NRG2: variants seen among roughly 807,000 people sequenced by gnomAD.
NRG2 encodes pro-neuregulin-2, membrane-bound isoform.
In NRG2, 27 loss-of-function variants were observed where a neutral mutation model predicts 73.9. The observed-to-expected ratio is 0.37, with a 90% confidence interval of 0.27 to 0.50. NRG2 has a LOEUF of 0.50. Ranked by LOEUF, NRG2 falls within the 20% of genes least tolerant of loss-of-function variation. The probability of loss-of-function intolerance (pLI) is 0.96; values close to 1 mark genes in which losing one functional copy is unlikely to be tolerated. For synonymous variants in NRG2, 532 were observed against 541.0 expected, an observed-to-expected ratio of 0.98 and a Z score of 0.23; for missense variants, 1,126 against 1,210.1, an observed-to-expected ratio of 0.93 and a Z score of 1.03.
intron 1 of NRG2, among the ~76,000 whole-genome samples, chr5:139,907,806 A>G (rs977212350): frequency 6.6e-6 from 1 of 152,176 alleles, no homozygotes; most frequent in Non-Finnish European, 1.5e-5. Flanking sequence ...GGGATACGAC[A>G]AAGATCTAGG....
At chr5:139,960,527 CA>C (rs1168510042) in intron 1 of NRG2, among the ~76,000 whole-genome samples, 1 of 151,846 alleles carries the variant, frequency 6.6e-6, no homozygotes. Context: ...AACAAACAAA[CA>C]AAAAAAATTA....
At chr5:139,924,174 G>C (rs1751878362) in intron 1 of NRG2, among the ~76,000 whole-genome samples, 1 of 152,174 alleles carries the variant, frequency 6.6e-6, no homozygotes, top group African/African-American at 2.4e-5. Context: ...AATCTTTGAG[G>C]GGCCCATGAT....
At chr5:139,866,939 T>C (rs1338559825) in intron 4 of NRG2, among the ~76,000 whole-genome samples, 3 of 152,192 alleles carry the variant, frequency 2.0e-5, no homozygotes, top group African/African-American at 7.2e-5. Context: ...CTAGACCCCT[T>C]CCCCACATCT....
At chr5:139,884,915 A>C (rs1763765928) in intron 2 of NRG2, among the ~76,000 whole-genome samples, 1 of 152,102 alleles carries the variant, frequency 6.6e-6, no homozygotes, top group Admixed American at 6.6e-5. Context: ...AGGAGGAGGG[A>C]AAGAGGCACG....
chr5:140,040,632 G>A (rs1761841339), intron 1 of NRG2, among the ~76,000 whole-genome samples: 1 of 152,106 alleles, frequency 6.6e-6, no homozygotes, highest in Non-Finnish European at 1.5e-5. Flanking sequence ...GCAAATGCAG[G>A]AGCAACTCAC....
At chr5:139,901,318 G>A (rs1355735340) in intron 1 of NRG2, among the ~76,000 whole-genome samples, 27 of 152,182 alleles carry the variant, frequency 1.8e-4, no homozygotes. Flanking sequence ...TGTTTGTAAT[G>A]AACCTCGAGG....
chr5:139,974,783 C>A lies in NRG2; in HGVS notation c.700+67587G>T, dbSNP rs576154814. Among the ~76,000 whole-genome samples the A allele has an allele frequency of 2.9e-4, 44 of 152,304 alleles. 1 individual carries two copies. The South Asian group carries it at 8.7e-3, about 30-fold the overall frequency. ...CTGTTCTCAGCACCAAGGTTGAGGA[C>A]AGCAACTCTGCAACGTGGCACATGC... On this transcript the variant is annotated intron_variant, in intron 1 of 9. Transcript: ENST00000361474.
chr5:139,861,474 T>C (rs1169154220), intron 5 of NRG2, among the ~76,000 whole-genome samples: 3 of 152,242 alleles, frequency 2.0e-5, no homozygotes, highest in Non-Finnish European at 4.4e-5. Flanking sequence ...TGGCTCTGAC[T>C]AAAGAGGCTT....
intron 3 of NRG2, among the ~76,000 whole-genome samples, chr5:139,873,751 G>GTTTCACCC (rs1430587764): frequency 1.3e-5 from 2 of 152,270 alleles, no homozygotes; most frequent in African/African-American, 4.8e-5. Flanking sequence ...TGTGCCCATT[G>GTTTCACCC]TTTCACCCCA....
Position 139,847,616 on chromosome 5 carries a change from A to C in NRG2, c.*301T>G. 1 of 241,308 alleles carries C rather than the reference A, an allele frequency of 4.1e-6. No individual in the cohort carries two copies. Among genetic ancestry groups the C allele is most frequent in the East Asian group, 7.8e-5 (1 of 12,866 alleles). 14.9% of individuals were successfully genotyped at this position (241,308 alleles called of 1,614,324 possible). ...AAAAGGCACCACAAAATAGGTTTCT[A>C]TTAAAGAGTCAAAAAATTGGCCCAT... On this transcript the variant is annotated 3_prime_UTR_variant, in exon 10 of 10. Coordinates refer to ENST00000361474, the MANE Select transcript of NRG2 (RefSeq NM_004883.3).
At chr5:139,983,414 C>T (rs781718961) in intron 1 of NRG2, among the ~76,000 whole-genome samples, 5 of 152,186 alleles carry the variant, frequency 3.3e-5, no homozygotes, top group South Asian at 2.1e-4. Context: ...AAAGGGAAGG[C>T]GGGCCCATCT....
intron 9 of NRG2, among the ~76,000 whole-genome samples, chr5:139,850,694 T>C (rs1477423928): frequency 6.6e-6 from 1 of 152,248 alleles, no homozygotes; most frequent in Non-Finnish European, 1.5e-5. Context: ...GCAGGGGTGC[T>C]GGCCCTTGAC....
intron 1 of NRG2, among the ~76,000 whole-genome samples, chr5:140,009,324 T>C (rs1206316357): frequency 6.6e-6 from 1 of 152,208 alleles, no homozygotes; most frequent in Middle Eastern, 3.2e-3. Context: ...GATCTCTTCT[T>C]ACCCAGAGCT....
intron 1 of NRG2, among the ~76,000 whole-genome samples, chr5:140,035,387 C>T (rs543923853): frequency 6.6e-5 from 10 of 152,316 alleles, no homozygotes; most frequent in Admixed American, 5.9e-4. Flanking sequence ...CAGTGTTTAT[C>T]ATATTCTAAG....
At chr5:139,888,347 G>A (rs1304404174) in intron 1 of NRG2, among the ~76,000 whole-genome samples, 1 of 152,224 alleles carries the variant, frequency 6.6e-6, no homozygotes, top group Non-Finnish European at 1.5e-5. Flanking sequence ...AAACTTGCCT[G>A]AAGCCACATA....
At chr5:139,912,397 C>A (rs576315048) in intron 1 of NRG2, among the ~76,000 whole-genome samples, 1 of 152,258 alleles carries the variant, frequency 6.6e-6, no homozygotes, top group East Asian at 1.9e-4. Flanking sequence ...GCTCCTGGGA[C>A]AACAGCCCAA....
chr5:139,867,905 G>C (rs1032499309), intron 4 of NRG2, among the ~76,000 whole-genome samples: 2 of 150,300 alleles, frequency 1.3e-5, no homozygotes, highest in Non-Finnish European at 2.9e-5. Context: ...TTCCATTGCT[G>C]ACAAGCAGGG....
chr5:139,922,062 TTC>T (rs982827791), intron 1 of NRG2, among the ~76,000 whole-genome samples: 2 of 138,382 alleles, frequency 1.4e-5, no homozygotes, highest in Non-Finnish European at 3.1e-5. Flanking sequence ...CAGAGCGAGA[TTC>T]TGTCTCAAAA....
At chr5:139,919,901 A>G (rs574114694) in intron 1 of NRG2, among the ~76,000 whole-genome samples, 1 of 152,344 alleles carries the variant, frequency 6.6e-6, no homozygotes, top group South Asian at 2.1e-4. Context: ...CAAAAATCCA[A>G]AAGACTGTGG....
Sources: allele counts gnomAD v4.1 joint callset (sites outside exome capture counted in the v4.1 genomes callset), GRCh38; gene constraint gnomAD v4.1.1; transcripts MANE v1.5; gene names NCBI Gene and HGNC (gene_info 2026-07-23, HGNC 2026-07-21).